Variants in ERP29 observed in about 807,000 individuals in gnomAD.
The protein encoded by ERP29 is endoplasmic reticulum protein 29.
In ERP29, 14 loss-of-function variants were observed where a neutral mutation model predicts 21.7. That is an observed-to-expected ratio of 0.64 (90% CI 0.43 to 1.01). ERP29 has a LOEUF of 1.01. ERP29 is among the 50% of genes least tolerant of loss of function. The pLI is 0.00. For synonymous variants in ERP29, 129 were observed against 139.1 expected, an observed-to-expected ratio of 0.93 and a Z score of 0.51; for missense variants, 286 against 327.3, an observed-to-expected ratio of 0.87 and a Z score of 0.97.
chr12:112,014,666 C>T (rs137908824), intron 1 of ERP29: 12 of 152,392 alleles, frequency 7.9e-5, no homozygotes, highest in Non-Finnish European at 1.6e-4. Context: ...CCAGTCCCCT[C>T]CTCTTGCACC....
rs752470142 is a variant in ERP29 at position 112,022,277 on chromosome 12, G to T, written c.411G>T (p.Lys137Asn). The T allele has an allele frequency of 6.2e-7, 1 of 1,613,032 alleles. No homozygotes were observed. Among genetic ancestry groups the T allele is most frequent in the East Asian group, 2.2e-5 (1 of 44,878 alleles). Residue 137 changes from lysine (K) to asparagine (N), a missense_variant, in exon 3 of 3, where the codon AAG becomes AAT. Physicochemically the swap from Lys to Asn is moderately conservative, Grantham distance 94. Transcript: ENST00000261735. ...ENPVPYTGAV[K>N]VGAIQRWLKG... ...CAGTCCCATACACTGGGGCAGTTAA[G>T]GTTGGAGCCATCCAGCGCTGGCTGA...
chr12:112,020,032 C>T, intron 2 of ERP29, 138 bp downstream of exon 2: 12 of 1,042,276 alleles, frequency 1.2e-5, no homozygotes, highest in Non-Finnish European at 1.7e-5. Flanking sequence ...TTCATGGTCT[C>T]TAAAGGAATC....
chr12:112,018,443 A>G (rs1434759569), intron 1 of ERP29, among the ~76,000 whole-genome samples: 2 of 152,258 alleles, frequency 1.3e-5, no homozygotes, highest in Middle Eastern at 3.4e-3. Flanking sequence ...CAGCCTTGAC[A>G]TGATTATTTA....
At chr12:112,021,194 C>A (rs1223496060) in intron 2 of ERP29, among the ~76,000 whole-genome samples, 4 of 152,220 alleles carry the variant, frequency 2.6e-5, no homozygotes, top group Non-Finnish European at 2.9e-5. Flanking sequence ...ACCACATGCT[C>A]CCCTTTCTCA....
rs1425355112 is a variant in ERP29, at chr12:112,013,448, C to G, written c.-18C>G. On this transcript the variant is annotated 5_prime_UTR_variant, in exon 1 of 3. Transcript: ENST00000261735. ...TCCACTATCGCTTACCTACCTCCCT[C>G]TGCAGGAACCCGGCGATATGGCTGC... The G allele has an allele frequency of 6.2e-6, 10 of 1,604,930 alleles. No individual in the cohort carries two copies. Among genetic ancestry groups the G allele is most frequent in the South Asian group, 1.1e-5 (1 of 89,994 alleles).
At chr12:112,017,402 T>C (rs1317191951) in intron 1 of ERP29, among the ~76,000 whole-genome samples, 1 of 152,162 alleles carries the variant, frequency 6.6e-6, no homozygotes, top group Non-Finnish European at 1.5e-5. Flanking sequence ...TTAGATGGTC[T>C]GATTGGAGGA....
Position 112,023,442 on chromosome 12 carries a change from T to G in ERP29, c.*790T>G, listed in dbSNP as rs898602824. On this transcript the variant is annotated 3_prime_UTR_variant, in exon 3 of 3. Transcript: ENST00000261735. ...TAGAAAGCAGAATAAAGAGCACTTG[T>G]GCCAACATTCACATCTTTTCTTCAG... 1 of 152,236 alleles carries G rather than the reference T, an allele frequency of 6.6e-6. No individual in the cohort carries two copies. The highest frequency in any genetic ancestry group is 1.5e-5 in the Non-Finnish European group (1 of 68,032). The allele number at this position is 152,236 out of a possible 1,614,324, so 9.4% of individuals were successfully genotyped here. A position where few individuals can be genotyped will look rare whatever the true frequency, so the allele number is the denominator to read the frequency against.
At position 112,019,865 on chromosome 12, in the gene ERP29, A is replaced by G. The variant is rs2078034930; in HGVS notation, c.254A>G (p.Asp85Gly). ...RLAENSASSD[D>G]LLVAEVGISD... ...GCTGAAAACTCGGCTTCCAGCGATG[A>G]TCTCTTGGTGGCAGAGGTGGGGATC... The change falls in exon 2 of 3, where the codon GAT (aspartate) becomes GGT (glycine). Residue 85 changes from aspartate to glycine, a missense_variant. By Grantham distance (94) the Asp-to-Gly change is moderately conservative (BLOSUM62 -1). Coordinates refer to ENST00000261735, the MANE Select transcript of ERP29 (RefSeq NM_006817.4). 1 of 1,613,748 alleles carries G rather than the reference A, an allele frequency of 6.2e-7. No individual in the cohort carries two copies. Among genetic ancestry groups the G allele is most frequent in the Non-Finnish European group, 8.5e-7 (1 of 1,179,966 alleles).
intron 2 of ERP29, among the ~76,000 whole-genome samples, chr12:112,020,733 GAAT>G (rs1429749068): frequency 3.3e-5 from 5 of 152,246 alleles, no homozygotes; most frequent in African/African-American, 9.6e-5. Context: ...GCTTTTATTA[GAAT>G]AATAATAATA....
At chr12:112,016,901 A>T (rs1323190808) in intron 1 of ERP29, among the ~76,000 whole-genome samples, 5 of 152,140 alleles carry the variant, frequency 3.3e-5, no homozygotes, top group Non-Finnish European at 7.4e-5. Context: ...AAAAAAAAAT[A>T]AAAAATAACA....
chr12:112,014,137 TGAA>T (rs1385426982), intron 1 of ERP29, among the ~76,000 whole-genome samples: 2 of 152,074 alleles, frequency 1.3e-5, no homozygotes, highest in African/African-American at 4.8e-5. Flanking sequence ...AGTGCAAGCG[TGAA>T]GAATAAGCTT....
intron 1 of ERP29, chr12:112,015,453 A>C (rs2078005733): frequency 1.3e-5 from 2 of 151,206 alleles, no homozygotes. Flanking sequence ...ATGCCATGAC[A>C]CTCCAGCCTG....
intron 2 of ERP29, among the ~76,000 whole-genome samples, chr12:112,020,317 C>T (rs1006387816): frequency 3.9e-5 from 6 of 152,144 alleles, no homozygotes; most frequent in African/African-American, 1.4e-4. Context: ...GCACTGATGC[C>T]ACCACTAATC....
intron 1 of ERP29, among the ~76,000 whole-genome samples, chr12:112,016,398 G>A (rs1004448067): frequency 6.6e-6 from 1 of 152,146 alleles, no homozygotes; most frequent in East Asian, 1.9e-4. Flanking sequence ...TTAGTTTCAT[G>A]AGCTAAGAGA....
Position 112,022,246 on chromosome 12 carries a change from A to G in ERP29, c.380A>G (p.Glu127Gly), listed in dbSNP as rs1323038694. The stretch of plus-strand genomic sequence containing the variant: ...TACCTCTTCCGGGATGGGGACTTTG[A>G]GAACCCAGTCCCATACACTGGGGCA... ...VFYLFRDGDFENPVPYTGAVK... is the reference protein window; with the variant it reads ...VFYLFRDGDFGNPVPYTGAVK... Residue 127 changes from glutamate (E) to glycine (G), a missense_variant, in exon 3 of 3, where the codon GAG becomes GGG. Transcript: ENST00000261735. 1 of 1,613,772 alleles carries G rather than the reference A, an allele frequency of 6.2e-7. No individual in the cohort carries two copies.
At position 112,013,523 on chromosome 12, in the gene ERP29, G is replaced by A; in HGVS notation, c.58G>A (p.Gly20Ser). ...FLSPLLPLLL[G>S]FLLLSAPHGG... ...CTCCCCGCTGCTTCCCCTTCTCCTG[G>A]GCTTCCTGCTCCTCTCCGCTCCGCA... Residue 20 changes from glycine to serine, a missense_variant, in exon 1 of 3, where the codon GGC (glycine) becomes AGC (serine). Physicochemically the swap from Gly to Ser is moderately conservative, Grantham distance 56 (BLOSUM62 0). Transcript: ENST00000261735. 1 of 1,612,686 alleles carries A rather than the reference G, an allele frequency of 6.2e-7. No homozygotes were observed. Among genetic ancestry groups the A allele is most frequent in the Non-Finnish European group, 8.5e-7 (1 of 1,179,448 alleles).
rs2077958387 is a variant in ERP29, at chr12:112,013,605, A to G, written c.140A>G (p.Tyr47Cys). 1 of 1,585,714 alleles carries G rather than the reference A, an allele frequency of 6.3e-7. No individual in the cohort carries two copies. The highest frequency in any genetic ancestry group is 1.8e-5 in the Admixed American group (1 of 54,280). ...CTTCCCCTGGATACGGTCACTTTCT[A>G]CAAGGTAACCGGGGCGGGGGACGTC... The part of the protein sequence containing the change: ...GALPLDTVTF[Y>C]KVIPKSKFVL... The change falls in exon 1 of 3, where the codon TAC becomes TGC. Residue 47 changes from tyrosine (Y) to cysteine (C), a missense_variant. By Grantham distance (194) the Tyr-to-Cys change is radical. Coordinates refer to ENST00000261735, the MANE Select transcript of ERP29 (RefSeq NM_006817.4).
Position 112,022,391 on chromosome 12 carries a change from GGCC to G in ERP29, c.526_528del (p.Ala176del). ...AGTTCATCAGGGCCTCTGGTGTGGA[GGCC>G]CGCCAGGCCCTCTTGAAGCAGGGGC... is the stretch of plus-strand genomic sequence containing the variant. On this transcript the variant is annotated inframe_deletion, in exon 3 of 3. Coordinates refer to ENST00000261735, the MANE Select transcript of ERP29 (RefSeq NM_006817.4). 6.2e-7 allele frequency: 1 copy of G among 1,614,182 alleles called. No individual in the cohort carries two copies. Among genetic ancestry groups the G allele is most frequent in the Non-Finnish European group, 8.5e-7 (1 of 1,180,040 alleles).
Position 112,022,959 on chromosome 12 carries a change from CAATTA to C in ERP29, c.*310_*314del. On this transcript the variant is annotated 3_prime_UTR_variant, in exon 3 of 3. Coordinates refer to ENST00000261735, the MANE Select transcript of ERP29 (RefSeq NM_006817.4). ...GTCTTTGACAGATGTAATTCTCATT[CAATTA>C]AAGTTTCAGTGTTTTGGTTAAGTGG... 3.8e-6 allele frequency: 1 copy of C among 265,714 alleles called. No individual in the cohort carries two copies. Among genetic ancestry groups the C allele is most frequent in the South Asian group, 1.2e-4 (1 of 8,672 alleles). 16.5% of individuals were successfully genotyped at this position (265,714 alleles called of 1,614,324 possible).
Sources: gnomAD v4.1 joint callset for allele counts (sites outside exome capture counted in the v4.1 genomes callset) on GRCh38, gnomAD v4.1.1 for gene constraint, MANE v1.5 for transcripts, NCBI Gene and HGNC (gene_info 2026-07-23, HGNC 2026-07-21) for gene names.